The following CAMTA1 variants were observed in gnomAD, a reference collection of about 807,000 sequenced individuals.
CAMTA1 encodes the protein calmodulin binding transcription activator 1, also known as calmodulin-binding transcription activator 1.
Under a neutral mutation model 170.9 loss-of-function variants are expected in CAMTA1, and 27 were observed. That is an observed-to-expected ratio of 0.16 (90% CI 0.12 to 0.22). CAMTA1 has a LOEUF of 0.22. Ranked by LOEUF, CAMTA1 falls within the 10% of genes least tolerant of loss-of-function variation. CAMTA1 has a pLI of 1.00. For missense variants in CAMTA1, 1,619 were observed against 2,217.2 expected (o/e 0.73, Z 5.42); for synonymous variants, 833 against 891.5 (o/e 0.93, Z 1.17).
rs1406003014 is a variant in CAMTA1 at position 7,570,077 on chromosome 1, C to T, written c.511-70323C>T. 6.6e-6 allele frequency among the ~76,000 whole-genome samples: 1 copy of T among 152,152 alleles called. No homozygotes were observed. Among genetic ancestry groups the T allele is most frequent in the Non-Finnish European group, 1.5e-5 (1 of 68,032 alleles). Reference sequence around the variant, plus strand: ...GGCTTTTGCTTTGATCATTAGGGGTCCTGGGAGGCCTTGGGGCCGTCTTGC... The same window carrying T: ...GGCTTTTGCTTTGATCATTAGGGGTTCTGGGAGGCCTTGGGGCCGTCTTGC... On this transcript the variant is annotated intron_variant, in intron 6 of 22. Coordinates refer to ENST00000303635, the MANE Select transcript of CAMTA1 (RefSeq NM_015215.4). The surrounding 1 kb of genome is among the most constrained non-coding windows in gnomAD (Gnocchi z 4.3).
chr1:6,823,932 A>AT (rs1423959766), intron 2 of CAMTA1, among the ~76,000 whole-genome samples: 5 of 152,300 alleles, frequency 3.3e-5, no homozygotes, highest in Non-Finnish European at 7.4e-5. Context: ...CTGGAGAAGA[A>AT]TTAGAGATAA....
intron 6 of CAMTA1, among the ~76,000 whole-genome samples, chr1:7,619,432 T>TAGAA (rs1467519012): frequency 1.3e-5 from 2 of 152,058 alleles, no homozygotes; most frequent in East Asian, 3.9e-4. Flanking sequence ...ACATAGCAGG[T>TAGAA]GTCACAAGGA....
chr1:6,901,019 CAG>C (rs1676821224), intron 3 of CAMTA1, among the ~76,000 whole-genome samples: 1 of 152,158 alleles, frequency 6.6e-6, no homozygotes, highest in Non-Finnish European at 1.5e-5. Flanking sequence ...GTAATCAAGA[CAG>C]TGTGGTATTG....
intron 3 of CAMTA1, among the ~76,000 whole-genome samples, chr1:7,023,645 T>C (rs557352321): frequency 1.3e-5 from 2 of 152,228 alleles, no homozygotes; most frequent in Admixed American, 6.5e-5. Context: ...AAATAAAACA[T>C]GTAATAATTG....
At position 7,594,198 on chromosome 1, in the gene CAMTA1, A is replaced by C. The variant is rs7553081; in HGVS notation, c.511-46202A>C. Among the ~76,000 whole-genome samples the C allele has an allele frequency of 3.1e-3, 292 of 95,110 alleles. 4 individuals carry two copies. The highest frequency in any genetic ancestry group is 0.011 in the African/African-American group (264 of 23,944). 62.4% of individuals were successfully genotyped at this position (95,110 alleles called of 152,430 possible). ...AGAAAGAAAAGACAAGAAAGGAGGG[A>C]GGGGAAGGAAGGAAGGAAGGAAGGA... On this transcript the variant is annotated intron_variant, in intron 6 of 22. Coordinates refer to ENST00000303635, the MANE Select transcript of CAMTA1 (RefSeq NM_015215.4).
intron 6 of CAMTA1, among the ~76,000 whole-genome samples, chr1:7,519,331 GGGCAGCTCCTGCTCAC>G (rs1176894174): frequency 6.6e-6 from 1 of 151,992 alleles, no homozygotes; most frequent in African/African-American, 2.4e-5. Flanking sequence ...ACCTGGAGGA[GGGCAGCTCCTGCTCAC>G]GGCAGCTCCA....
intron 4 of CAMTA1, among the ~76,000 whole-genome samples, chr1:7,102,476 C>T (rs1293893287): frequency 6.6e-6 from 1 of 152,088 alleles, no homozygotes; most frequent in Non-Finnish European, 1.5e-5. Context: ...ATTGAATTTG[C>T]ATGTAGAATG....
intron 3 of CAMTA1, among the ~76,000 whole-genome samples, chr1:6,838,138 T>C (rs573469649): frequency 4.4e-4 from 67 of 152,238 alleles, no homozygotes; most frequent in African/African-American, 1.5e-3. Context: ...TCAACAAATA[T>C]CATTTAGTCT....
rs1175405467 is a variant in CAMTA1, at chr1:7,126,102, A to G, written c.302+34731A>G. Among the ~76,000 whole-genome samples the G allele has an allele frequency of 2.0e-5, 3 of 152,304 alleles. No homozygotes were observed. In the East Asian group the frequency reaches 5.8e-4, roughly 29 times the overall value. On this transcript the variant is annotated intron_variant, in intron 4 of 22. Coordinates refer to ENST00000303635, the MANE Select transcript of CAMTA1 (RefSeq NM_015215.4). ...ACCACGTATAAAACCATCAGATTCC[A>G]TGAGACTTTTTCACTACCATGAGAA...
Position 7,554,072 on chromosome 1 carries a change from GAGAAGAGGGAAATAAATGT to G in CAMTA1, c.510+86178_510+86196del, listed in dbSNP as rs567780431. Among the ~76,000 whole-genome samples, 1,387 of 152,280 alleles carry G rather than the reference GAGAAGAGGGAAATAAATGT, an allele frequency of 9.1e-3. 42 individuals are homozygous for G. The highest frequency in any genetic ancestry group is 0.051 in the Admixed American group (779 of 15,286). On this transcript the variant is annotated intron_variant, in intron 6 of 22. Transcript: ENST00000303635. ...TGCAGGGAAGTGTCTGGAAGCATGAGAGAAGAGGGAAATAAATGTAGAAGATGGCCTGGGTGGTGGTAGC... is the reference window on the plus strand; with the variant it reads ...TGCAGGGAAGTGTCTGGAAGCATGAGAGAAGATGGCCTGGGTGGTGGTAGC...
At chr1:7,519,415 C>T (rs561420203) in intron 6 of CAMTA1, among the ~76,000 whole-genome samples, 13 of 152,096 alleles carry the variant, frequency 8.5e-5, no homozygotes, top group South Asian at 4.1e-4. Flanking sequence ...GAGCTCTGCA[C>T]GCCTGGAGCC....
intron 5 of CAMTA1, among the ~76,000 whole-genome samples, chr1:7,403,596 G>A (rs554524269): frequency 6.6e-6 from 1 of 152,134 alleles, no homozygotes; most frequent in Non-Finnish European, 1.5e-5. Context: ...GACAACCTGA[G>A]TGTGGGGATG....
At position 6,965,070 on chromosome 1, in the gene CAMTA1, T is replaced by C; in HGVS notation, c.235-126234T>C. ...TGTCTGGGAGACTTGCCTGACCCTC[T>C]CTTACTTGGGTGCATGGTGCTGGCA... On this transcript the variant is annotated intron_variant, in intron 3 of 22. Coordinates refer to ENST00000303635, the MANE Select transcript of CAMTA1 (RefSeq NM_015215.4). The surrounding 1 kb of genome is among the most constrained non-coding windows in gnomAD (Gnocchi z 4.1). 6.6e-6 allele frequency among the ~76,000 whole-genome samples: 1 copy of C among 152,336 alleles called. No individual in the cohort carries two copies. Among genetic ancestry groups the C allele is most frequent in the Middle Eastern group, 3.4e-3 (1 of 294 alleles).
intron 3 of CAMTA1, among the ~76,000 whole-genome samples, chr1:7,081,773 G>A (rs905810829): frequency 6.6e-6 from 1 of 152,208 alleles, no homozygotes; most frequent in Admixed American, 6.5e-5. Context: ...GCAGCATGTG[G>A]GCCTGGGGTT....
intron 6 of CAMTA1, among the ~76,000 whole-genome samples, chr1:7,500,954 G>A (rs977127335): frequency 5.9e-5 from 9 of 152,256 alleles, no homozygotes; most frequent in South Asian, 4.1e-4. Flanking sequence ...TCTGGGAACC[G>A]TAGCCCAGGC....
rs2097038497 is a variant in CAMTA1, at chr1:7,768,714, C to T, written c.*2223C>T. 6.6e-6 allele frequency: 1 copy of T among 152,628 alleles called. No homozygotes were observed. Among genetic ancestry groups the T allele is most frequent in the South Asian group, 2.1e-4 (1 of 4,830 alleles). 9.5% of individuals were successfully genotyped at this position (152,628 alleles called of 1,614,324 possible). ...GCCCCACAACTAGTAGCCACCTGTA[C>T]ATTTGTAAACTGACCTGACTCCATT... On this transcript the variant is annotated 3_prime_UTR_variant, in exon 23 of 23. Transcript: ENST00000303635.
chr1:7,296,340 A>G (rs1317551251), intron 5 of CAMTA1, among the ~76,000 whole-genome samples: 3 of 152,160 alleles, frequency 2.0e-5, no homozygotes, highest in African/African-American at 7.2e-5. Flanking sequence ...TTTGATCCCA[A>G]CCTGTTTGGC....
intron 4 of CAMTA1, among the ~76,000 whole-genome samples, chr1:7,239,135 T>C (rs1169724638): frequency 6.6e-6 from 1 of 152,234 alleles, no homozygotes; most frequent in Non-Finnish European, 1.5e-5. Flanking sequence ...TTTGGAAGCA[T>C]CTCTCAGACA....
rs553501637 is a variant in CAMTA1 at position 7,532,309 on chromosome 1, AT to A, written c.510+64418del. Among the ~76,000 whole-genome samples the A allele has an allele frequency of 2.8e-4, 41 of 147,312 alleles. No individual in the cohort carries two copies. Among genetic ancestry groups the A allele is most frequent in the African/African-American group, 7.7e-4 (31 of 40,276 alleles). On this transcript the variant is annotated intron_variant, in intron 6 of 22. Transcript: ENST00000303635. The surrounding 1 kb of genome is among the most constrained non-coding windows in gnomAD (Gnocchi z 4.2). ...TTCTCAGCTTCTTTCATTTCTTTCT[AT>A]TTTTTTTTTAGAGACAGATTTCACT...
Sources: gnomAD v4.1 joint callset for allele counts (sites outside exome capture counted in the v4.1 genomes callset) on GRCh38, gnomAD v4.1.1 for gene constraint, Gnocchi (gnomAD v3.1) non-coding constraint, MANE v1.5 for transcripts, NCBI Gene and HGNC (gene_info 2026-07-23, HGNC 2026-07-21) for gene names.